Variants in TLN2 observed in about 807,000 individuals in gnomAD.
The protein encoded by TLN2 is talin-2.
TLN2 carries 118 observed loss-of-function variants against 294.7 expected under a neutral mutation model. The ratio of observed to expected loss-of-function variants is 0.40; its 90% CI spans 0.34 to 0.47. TLN2 has a LOEUF of 0.47. Among genes scored for constraint, TLN2 ranks in the 20% least tolerant of loss-of-function variants. The probability of loss-of-function intolerance (pLI) is 0.84; values close to 1 mark genes in which losing one functional copy is unlikely to be tolerated. For missense variants in TLN2, 3,083 were observed against 3,282.2 expected (o/e 0.94, Z 1.48); for synonymous variants, 1,431 against 1,304.5 (o/e 1.10, Z -2.09).
intron 1 of TLN2, among the ~76,000 whole-genome samples, chr15:62,537,539 T>A (rs7176524): frequency 6.6e-6 from 1 of 151,996 alleles, no homozygotes; most frequent in East Asian, 1.9e-4. Context: ...TTATTTGATA[T>A]TTATATAACA....
At chr15:62,402,646 T>G (rs2140239307) in intron 1 of TLN2, among the ~76,000 whole-genome samples, 1 of 152,362 alleles carries the variant, frequency 6.6e-6, no homozygotes, top group South Asian at 2.1e-4. Flanking sequence ...ATTGTCTTGC[T>G]TTTAATTTAT....
At chr15:62,602,545 A>G (rs2047088725) in intron 2 of TLN2, among the ~76,000 whole-genome samples, 1 of 152,206 alleles carries the variant, frequency 6.6e-6, no homozygotes, top group Non-Finnish European at 1.5e-5. Flanking sequence ...CTATAAACGG[A>G]GTGGCCTATA....
intron 1 of TLN2, among the ~76,000 whole-genome samples, chr15:62,531,242 C>T (rs1214740768): frequency 6.6e-6 from 1 of 152,082 alleles, no homozygotes; most frequent in Non-Finnish European, 1.5e-5. Context: ...ACTATTCAGC[C>T]TTAAAAAAGA....
At chr15:62,739,251 A>G (rs2061187904) in intron 30 of TLN2, 97 bp from the exon 31 acceptor site, 1 of 1,348,988 alleles carries the variant, frequency 7.4e-7, no homozygotes, top group Non-Finnish European at 1.0e-6. Context: ...ACTCAAATGC[A>G]TCTCTGAAGA....
At chr15:62,593,478 T>G (rs1443922842) in intron 2 of TLN2, among the ~76,000 whole-genome samples, 1 of 152,220 alleles carries the variant, frequency 6.6e-6, no homozygotes, top group East Asian at 1.9e-4. Flanking sequence ...TCCATGCATT[T>G]TTTGGCTAAT....
At chr15:62,403,535 G>A (rs1040598238) in intron 1 of TLN2, among the ~76,000 whole-genome samples, 1 of 152,122 alleles carries the variant, frequency 6.6e-6, no homozygotes, top group Non-Finnish European at 1.5e-5. Context: ...GCCCCTCCCA[G>A]AACCACACTT....
chr15:62,714,529 A>T (rs907732629), intron 22 of TLN2, among the ~76,000 whole-genome samples: 2 of 152,066 alleles, frequency 1.3e-5, no homozygotes, highest in Non-Finnish European at 2.9e-5. Flanking sequence ...GTGACTGTTT[A>T]TCAGGCCAAT....
chr15:62,547,954 C>G (rs2042085510), intron 1 of TLN2, among the ~76,000 whole-genome samples: 1 of 152,160 alleles, frequency 6.6e-6, no homozygotes, highest in Admixed American at 6.6e-5. Flanking sequence ...CATTTTGCAT[C>G]TGCCTATACA....
intron 1 of TLN2, among the ~76,000 whole-genome samples, chr15:62,393,730 G>A (rs951720018): frequency 6.6e-6 from 1 of 151,692 alleles, no homozygotes; most frequent in African/African-American, 2.4e-5. Flanking sequence ...AAAAAGAGAA[G>A]CTTTATTGCA....
At chr15:62,713,897 C>CATATATATATATATATATATATATAT (rs34783254) in intron 22 of TLN2, among the ~76,000 whole-genome samples, 6 of 119,150 alleles carry the variant, frequency 5.0e-5, no homozygotes, top group Non-Finnish European at 7.6e-5. Context: ...TTCTTTAAGC[C>CATATATATATATATATATATATATAT]ATATATATAT....
chr15:62,565,403 G>T (rs968505776), intron 1 of TLN2, among the ~76,000 whole-genome samples: 1 of 152,082 alleles, frequency 6.6e-6, no homozygotes, highest in Admixed American at 6.6e-5. Flanking sequence ...TCTGAAATAT[G>T]ATCTATGACA....
intron 2 of TLN2, among the ~76,000 whole-genome samples, chr15:62,596,384 A>G (rs1457172136): frequency 1.3e-5 from 2 of 152,192 alleles, no homozygotes; most frequent in African/African-American, 4.8e-5. Context: ...TATGATATAC[A>G]TATTTAAAAA....
chr15:62,836,118 G>GGTAA, intron 57 of TLN2, 45 bp downstream of exon 57: 2 of 1,559,234 alleles, frequency 1.3e-6, no homozygotes, highest in Non-Finnish European at 1.7e-6. Context: ...TGTTGGAGCG[G>GGTAA]GTAAGTGTCA....
Position 62,711,918 on chromosome 15 carries a change from G to T in TLN2, c.2475G>T (p.Met825Ile). The T allele has an allele frequency of 1.2e-6, 2 of 1,607,046 alleles. No homozygotes were observed. Among genetic ancestry groups the T allele is most frequent in the Non-Finnish European group, 1.7e-6 (2 of 1,174,350 alleles). Residue 825 changes from methionine (M) to isoleucine (I), a missense_variant, in exon 22 of 59, where the codon ATG (methionine) becomes ATT (isoleucine). By Grantham distance (10) the Met-to-Ile change is conservative. Transcript: ENST00000636159. Reference sequence around the variant, plus strand: ...CTCTATTCTGTCTTCTAGGTGAAATGGTGCGCCAGGCGCGGGTTCTGGCCC... The same window carrying T: ...CTCTATTCTGTCTTCTAGGTGAAATTGTGCGCCAGGCGCGGGTTCTGGCCC... ...IFSSMGDAGE[M>I]VRQARVLAQA... is the part of the protein sequence containing the mutation.
chr15:62,812,710 T>C (rs2066789128), intron 52 of TLN2, among the ~76,000 whole-genome samples: 1 of 152,186 alleles, frequency 6.6e-6, no homozygotes, highest in African/African-American at 2.4e-5. Flanking sequence ...AAGTGCTTCC[T>C]TTCTTGTCAC....
rs562261544 is a variant in TLN2 at position 62,604,292 on chromosome 15, G to C, written c.-161-14059G>C. Among the ~76,000 whole-genome samples, 14 of 152,028 alleles carry C rather than the reference G, an allele frequency of 9.2e-5. 2 individuals are homozygous for C. The East Asian group carries it at 2.7e-3, about 29-fold the overall frequency. On this transcript the variant is annotated intron_variant, in intron 2 of 58. Coordinates refer to ENST00000636159, the MANE Select transcript of TLN2 (RefSeq NM_015059.3). The stretch of plus-strand genomic sequence containing the variant: ...GCACTGTGGGAAGCTGAGGTGGGAG[G>C]ATTACTTGAGCCTAGGAGTTCGAGA...
In TLN2 at chr15:62,761,957, T is replaced by C. The variant is rs900172984; in HGVS notation, c.4779+136T>C. ...ACTGTTACTCTTGTCAATGATGGCATGTGCACAGTTAGTGAAACACAATGA... is the reference window on the plus strand; with the variant it reads ...ACTGTTACTCTTGTCAATGATGGCACGTGCACAGTTAGTGAAACACAATGA... On this transcript the variant is annotated intron_variant, in intron 38 of 58. Transcript: ENST00000636159. 1.4e-4 allele frequency: 165 copies of C among 1,197,250 alleles called. No individual in the cohort carries two copies. The African/African-American group carries it at 2.2e-3, about 16-fold the overall frequency. 74.2% of individuals were successfully genotyped at this position (1,197,250 alleles called of 1,614,324 possible). A position where few individuals can be genotyped will look rare whatever the true frequency, so the allele number is the denominator to read the frequency against.
intron 15 of TLN2, among the ~76,000 whole-genome samples, chr15:62,698,463 A>G (rs1247561641): frequency 6.6e-6 from 1 of 152,228 alleles, no homozygotes; most frequent in Admixed American, 6.5e-5. Flanking sequence ...GGATCACCCC[A>G]GTTCCCCAGC....
In TLN2 at chr15:62,391,088, A is replaced by G. The variant is rs1052586364; in HGVS notation, c.-238+403A>G. Among the ~76,000 whole-genome samples, 3 of 152,268 alleles carry G rather than the reference A, an allele frequency of 2.0e-5. 1 individual carries two copies. The South Asian group carries it at 6.2e-4, about 32-fold the overall frequency. ...TTGAAAAGCGGCCCCGCCTGCATAG[A>G]GTGTCCCCTCGACCCCAGCCGGGCC... On this transcript the variant is annotated intron_variant, in intron 1 of 58. Transcript: ENST00000636159.
Sources: allele counts gnomAD v4.1 joint callset (sites outside exome capture counted in the v4.1 genomes callset), GRCh38; gene constraint gnomAD v4.1.1; transcripts MANE v1.5; gene names NCBI Gene and HGNC (gene_info 2026-07-23, HGNC 2026-07-21).